TRPV4: variants seen among roughly 807,000 people sequenced by gnomAD.
TRPV4 encodes the protein OSM9-like transient receptor potential channel 4.
In TRPV4, 58 loss-of-function variants were observed where a neutral mutation model predicts 84.1. The ratio of observed to expected loss-of-function variants is 0.69; its 90% confidence interval spans 0.56 to 0.86. The LOEUF is 0.86. Ranked by LOEUF, TRPV4 falls within the 40% of genes least tolerant of loss-of-function variation. The pLI is 0.00. For missense variants in TRPV4, 879 were observed against 1,181.1 expected (o/e 0.74, Z 3.75); for synonymous variants, 489 against 500.9 (o/e 0.98, Z 0.32).
chr12:109,814,438 T>C lies in TRPV4; in HGVS notation c.359A>G (p.Asn120Ser). 1 of 1,614,168 alleles carries C rather than the reference T, an allele frequency of 6.2e-7. No homozygotes were observed. The highest frequency in any genetic ancestry group is 1.3e-5 in the African/African-American group (1 of 75,066). Reference sequence around the variant, plus strand: ...TATGATCTTCTTCCTCCACCTCTTGTTGTCACTGGAGTGGTGACGATAGGT... The same window carrying C: ...TATGATCTTCTTCCTCCACCTCTTGCTGTCACTGGAGTGGTGACGATAGGT... ...YGTYRHHSSD[N>S]KRWRKKIIEK... is the part of the protein sequence containing the mutation. The change falls in exon 2 of 16, where the codon AAC becomes AGC. Residue 120 changes from asparagine to serine, a missense_variant. Physicochemically the swap from Asn to Ser is conservative, Grantham distance 46. Transcript: ENST00000261740. This position sits in a 1 kb window ranked among gnomAD's most constrained non-coding sequence, Gnocchi z 5.4.
At position 109,784,357 on chromosome 12, in the gene TRPV4, T is replaced by C; in HGVS notation, c.2417A>G (p.Gln806Arg). The change falls in exon 15 of 16, where the codon CAG becomes CGG. Residue 806 changes from glutamine (Q) to arginine (R), a missense_variant. Physicochemically the swap from Gln to Arg is conservative, Grantham distance 43 (BLOSUM62 1). This residue lies in a region of TRPV4 where 242 missense variants were observed against 355.3 expected (regional missense o/e 0.68). Coordinates refer to ENST00000261740, the MANE Select transcript of TRPV4 (RefSeq NM_021625.5). Reference sequence around the variant, plus strand: ...CACGGTATGCGAGAAGCCATAATACTGGTAGGTCTCATTCTTGCCCGGGTC... The same window carrying C: ...CACGGTATGCGAGAAGCCATAATACCGGTAGGTCTCATTCTTGCCCGGGTC... ...NEDPGKNETY[Q>R]YYGFSHTVGR... 6.2e-7 allele frequency: 1 copy of C among 1,614,164 alleles called. No individual in the cohort carries two copies. Among genetic ancestry groups the C allele is most frequent in the Non-Finnish European group, 8.5e-7 (1 of 1,180,032 alleles).
At chr12:109,833,305 G>A (rs962100643) in intron 1 of TRPV4, 45 bp downstream of exon 1, 2 of 152,288 alleles carry the variant, frequency 1.3e-5, no homozygotes, top group African/African-American at 4.8e-5. Flanking sequence ...GGGGCGCGAG[G>A]GGACCTCGGC....
At chr12:109,820,514 CTATTTTTTTTT>C (rs1302916330) in intron 1 of TRPV4, among the ~76,000 whole-genome samples, 45 of 123,154 alleles carry the variant, frequency 3.7e-4, no homozygotes, top group Admixed American at 6.5e-4. Flanking sequence ...TTCAGCTGCC[CTATTTTTTTTT>C]TTTTTTTTTT....
intron 2 of TRPV4, among the ~76,000 whole-genome samples, chr12:109,809,648 C>T (rs887819975): frequency 6.8e-6 from 1 of 146,896 alleles, no homozygotes; most frequent in Non-Finnish European, 1.5e-5. Flanking sequence ...TATCCACCCA[C>T]CCACCCATCC....
chr12:109,788,081 G>A (rs371770040), intron 13 of TRPV4, among the ~76,000 whole-genome samples: 2 of 152,352 alleles, frequency 1.3e-5, no homozygotes, highest in African/African-American at 4.8e-5. Context: ...CTGAAACGCT[G>A]ATGCCCACGG....
chr12:109,830,617 A>AC lies in TRPV4; in HGVS notation c.-32+2732dup, dbSNP rs776031797. ...AATAAATGTTATCTTGGCTCCCCAGACCCTATCTGTGACAACAAGAGGAGC... is the reference window on the plus strand; with the variant it reads ...AATAAATGTTATCTTGGCTCCCCAGACCCCTATCTGTGACAACAAGAGGAGC... On this transcript the variant is annotated intron_variant, in intron 1 of 15. Transcript: ENST00000261740. 3.9e-5 allele frequency among the ~76,000 whole-genome samples: 6 copies of AC among 152,274 alleles called. No individual in the cohort carries two copies. In the East Asian group the frequency reaches 9.7e-4, roughly 24 times the overall value.
Position 109,814,331 on chromosome 12 carries a change from AATAG to A in TRPV4, c.386+76_386+79del. On this transcript the variant is annotated intron_variant, in intron 2 of 15. Coordinates refer to ENST00000261740, the MANE Select transcript of TRPV4 (RefSeq NM_021625.5). The surrounding 1 kb of genome is among the most constrained non-coding windows in gnomAD (Gnocchi z 5.4). ...TGGATGAATCGACGGATGGGTGGATAATAGATAGAGGGGTGGATGATGAATGGGT... is the reference window on the plus strand; with the variant it reads ...TGGATGAATCGACGGATGGGTGGATAATAGAGGGGTGGATGATGAATGGGT... 6.6e-7 allele frequency: 1 copy of A among 1,504,094 alleles called. No homozygotes were observed. Among genetic ancestry groups the A allele is most frequent in the Non-Finnish European group, 9.1e-7 (1 of 1,099,368 alleles). The allele number at this position is 1,504,094 out of a possible 1,614,324, so 93.2% of individuals were successfully genotyped here.
chr12:109,790,350 G>T (rs1565862300), intron 12 of TRPV4, among the ~76,000 whole-genome samples: 1 of 152,188 alleles, frequency 6.6e-6, no homozygotes, highest in Non-Finnish European at 1.5e-5. Flanking sequence ...ACACCTCGGG[G>T]ATCAGCCCAA....
chr12:109,828,406 T>C (rs1010384773), intron 1 of TRPV4, among the ~76,000 whole-genome samples: 2 of 152,066 alleles, frequency 1.3e-5, no homozygotes, highest in Non-Finnish European at 2.9e-5. Flanking sequence ...CAGAGTCACA[T>C]TGAAAGTGAG....
In TRPV4 at chr12:109,800,728, C is replaced by T. The variant is rs759859968; in HGVS notation, c.743G>A (p.Arg248His). Residue 248 changes from arginine (R) to histidine (H), a missense_variant, in exon 5 of 16, where the codon CGT becomes CAT. Arg to His is a conservative substitution (Grantham distance 29). This residue lies in a region of TRPV4 where 521 missense variants were observed against 686.6 expected (regional missense o/e 0.76). Transcript: ENST00000261740. ...GQTALHIAIE[R>H]RCKHYVELLV... ...AAGTTCCACGTAGTGTTTGCAGCGACGCTCAATGGCGATGTGCAGGGCTGT... is the reference window on the plus strand; with the variant it reads ...AAGTTCCACGTAGTGTTTGCAGCGATGCTCAATGGCGATGTGCAGGGCTGT... 9.3e-6 allele frequency: 15 copies of T among 1,613,970 alleles called. No individual in the cohort carries two copies. The highest frequency in any genetic ancestry group is 4.5e-5 in the East Asian group (2 of 44,868).
Position 109,798,833 on chromosome 12 carries a change from C to T in TRPV4, c.933G>A (p.Lys311=). 6.2e-7 allele frequency: 1 copy of T among 1,614,174 alleles called. No individual in the cohort carries two copies. Among genetic ancestry groups the T allele is most frequent in the Non-Finnish European group, 8.5e-7 (1 of 1,180,040 alleles). The change falls in exon 6 of 16, where the codon AAG becomes AAA. Residue 311 remains lysine, a synonymous_variant. Coordinates refer to ENST00000261740, the MANE Select transcript of TRPV4 (RefSeq NM_021625.5). This position sits in a 1 kb window ranked among gnomAD's most constrained non-coding sequence, Gnocchi z 5.0. The stretch of plus-strand genomic sequence containing the variant: ...GCGAGTCCTGGCGCCGCATGTCCGC[C>T]TTCTTGTGGGGGTTCTCCGTCAGGT... ...VNYLTENPHK[K]ADMRRQDSRG... is the part of the protein sequence containing the mutation.
Position 109,786,739 on chromosome 12 carries a change from G to A in TRPV4, c.2307C>T (p.Asp769=), listed in dbSNP as rs200372627. The change falls in exon 14 of 16, where the codon GAC becomes GAT. Residue 769 remains aspartate, a synonymous_variant. Coordinates refer to ENST00000261740, the MANE Select transcript of TRPV4 (RefSeq NM_021625.5). The surrounding 1 kb of genome is among the most constrained non-coding windows in gnomAD (Gnocchi z 4.5). ...AGCACCACCTGCGGTCAGGAGTGCC[G>A]TCCGAGCTCTTGCCCACGGTGACCA... ...GEMVTVGKSS[D]GTPDRRWCFR... is the part of the protein sequence containing the mutation. The A allele has an allele frequency of 1.1e-4, 174 of 1,613,892 alleles. 1 individual carries two copies. Among genetic ancestry groups the A allele is most frequent in the South Asian group, 3.6e-4 (33 of 91,086 alleles).
rs1016614031 is a variant in TRPV4 at position 109,786,894 on chromosome 12, G to A, written c.2209-57C>T. ...GTGAGCCTCACAGCCTGCGCCTGCC[G>A]CTCTGGTGGCAGAAATGAGACAACG... On this transcript the variant is annotated intron_variant, in intron 13 of 15. Transcript: ENST00000261740. The surrounding 1 kb of genome is among the most constrained non-coding windows in gnomAD (Gnocchi z 4.5). 26 of 1,608,664 alleles carry A rather than the reference G, an allele frequency of 1.6e-5. No individual in the cohort carries two copies. In the East Asian group the frequency reaches 2.0e-4, roughly 12 times the overall value.
chr12:109,784,188 A>G (rs1273895668), intron 15 of TRPV4, 128 bp downstream of exon 15: 1 of 1,438,494 alleles, frequency 7.0e-7, no homozygotes, highest in Non-Finnish European at 9.6e-7. Context: ...CAGCAGAGGA[A>G]GCTCAGGGGC....
chr12:109,800,902 C>T (rs778110973), intron 4 of TRPV4, 144 bp from the exon 5 acceptor site: 7 of 748,900 alleles, frequency 9.3e-6, no homozygotes, highest in Non-Finnish European at 1.6e-5. Flanking sequence ...CCAAGGGCAG[C>T]AAATAGGTCC....
chr12:109,821,370 C>T lies in TRPV4; in HGVS notation c.-31-6543G>A, dbSNP rs184323988. ...AGGCCTTTGCCTAGGCTGTTCCCTCCGCCTGGAATGCCCTTCCCTTCGCTG... is the reference window on the plus strand; with the variant it reads ...AGGCCTTTGCCTAGGCTGTTCCCTCTGCCTGGAATGCCCTTCCCTTCGCTG... On this transcript the variant is annotated intron_variant, in intron 1 of 15. Transcript: ENST00000261740. Among the ~76,000 whole-genome samples, 34 of 152,306 alleles carry T rather than the reference C, an allele frequency of 2.2e-4. 1 individual carries two copies. The highest frequency in any genetic ancestry group is 7.2e-4 in the African/African-American group (30 of 41,556).
Position 109,783,627 on chromosome 12 carries a change from C to T in TRPV4, c.2610G>A (p.Pro870=), listed in dbSNP as rs548680957. 1.7e-5 allele frequency: 27 copies of T among 1,613,160 alleles called. No homozygotes were observed. The highest frequency in any genetic ancestry group is 1.6e-4 in the East Asian group (7 of 44,876). ...TGGGGCTGGGCTGCAGTCCCTAGAGCGGGGCGTCATCAGTCCTCCACTTGC... is the reference window on the plus strand; with the variant it reads ...TGGGGCTGGGCTGCAGTCCCTAGAGTGGGGCGTCATCAGTCCTCCACTTGC... ...YPRKWRTDDA[P]L Residue 870 remains proline, a synonymous_variant, in exon 16 of 16, where the codon CCG becomes CCA. Transcript: ENST00000261740. This position sits in a 1 kb window ranked among gnomAD's most constrained non-coding sequence, Gnocchi z 4.6.
At chr12:109,785,928 G>A (rs34786626) in intron 14 of TRPV4, among the ~76,000 whole-genome samples, 46,659 of 151,794 alleles carry the variant, frequency 0.31, 8,835 homozygotes, top group South Asian at 0.41. Context: ...TGGGAGGATC[G>A]CTTGAGACCA....
At chr12:109,819,200 T>G (rs1285246663) in intron 1 of TRPV4, among the ~76,000 whole-genome samples, 1 of 152,190 alleles carries the variant, frequency 6.6e-6, no homozygotes, top group African/African-American at 2.4e-5. Context: ...CCCTAAAGGC[T>G]GTTATTACAC....
Sources: gnomAD v4.1 joint callset for allele counts (sites outside exome capture counted in the v4.1 genomes callset) on GRCh38, gnomAD v4.1.1 for gene constraint, gnomAD v4.1.1 regional missense constraint, Gnocchi (gnomAD v3.1) non-coding constraint, MANE v1.5 for transcripts, NCBI Gene and HGNC (gene_info 2026-07-23, HGNC 2026-07-21) for gene names.